Variants in PREPL observed in about 807,000 individuals in gnomAD.
The protein encoded by PREPL is prolyl endopeptidase like, also known as prolyl endopeptidase-like.
Under a neutral mutation model 70.6 loss-of-function variants are expected in PREPL, and 77 were observed. The ratio of observed to expected loss-of-function variants is 1.09; its 90% CI spans 0.91 to 1.32. The LOEUF (loss-of-function observed/expected upper bound fraction) is 1.32. Among genes scored for constraint, PREPL ranks in the 40% most tolerant of loss-of-function variants. The probability of loss-of-function intolerance (pLI) is 0.00; values close to 1 mark genes in which losing one functional copy is unlikely to be tolerated. For synonymous variants in PREPL, 315 were observed against 264.8 expected (o/e 1.19, Z -1.84); for missense variants, 1,002 against 778.2 (o/e 1.29, Z -3.42).
intron 1 of PREPL, among the ~76,000 whole-genome samples, chr2:44,351,514 TAAA>T (rs56070602): frequency 6.9e-6 from 1 of 144,288 alleles, no homozygotes. Context: ...CTCGCCCTAT[TAAA>T]AAAAAAAAAA....
In PREPL at chr2:44,339,296, T is replaced by A. The variant is rs150028917; in HGVS notation, c.553A>T (p.Thr185Ser). 1 of 1,614,080 alleles carries A rather than the reference T, an allele frequency of 6.2e-7. No individual in the cohort carries two copies. Among genetic ancestry groups the A allele is most frequent in the East Asian group, 2.2e-5 (1 of 44,872 alleles). Reference sequence around the variant, plus strand: ...CCATCTATCAACCACACTTCAGAAGTAGTCTTGTTCATAATATTTATGGTG... The same window carrying A: ...CCATCTATCAACCACACTTCAGAAGAAGTCTTGTTCATAATATTTATGGTG... ...FLTINIMNKT[T>S]SEVWLIDGLS... Residue 185 changes from threonine (T) to serine (S), a missense_variant, in exon 6 of 14, where the codon ACT (threonine) becomes TCT (serine). Thr to Ser is a moderately conservative substitution (Grantham distance 58, BLOSUM62 1). Coordinates refer to ENST00000409411, the MANE Select transcript of PREPL (RefSeq NM_001171613.2).
rs61004197 is a variant in PREPL, at chr2:44,342,561, AAAT to A, written c.350-12_350-10del. On this transcript the variant is annotated splice_polypyrimidine_tract_variant and intron_variant, in intron 4 of 13. Coordinates refer to ENST00000409411, the MANE Select transcript of PREPL (RefSeq NM_001171613.2). ...CTCGTCCTTTACCCATTCTGAAAGAAAATAATGAGATAATTATACATAATCACC... is the reference window on the plus strand; with the variant it reads ...CTCGTCCTTTACCCATTCTGAAAGAAAATGAGATAATTATACATAATCACC... 0.66 allele frequency: 1,024,491 copies of A among 1,553,316 alleles called. 344,003 individuals carry two copies. Among genetic ancestry groups the A allele is most frequent in the Middle Eastern group, 0.69 (3,926 of 5,688 alleles).
intron 10 of PREPL, among the ~76,000 whole-genome samples, chr2:44,325,087 T>C (rs1234742048): frequency 6.6e-6 from 1 of 152,190 alleles, no homozygotes; most frequent in Non-Finnish European, 1.5e-5. Flanking sequence ...TTTTTGCATT[T>C]GAAAAACCTC....
intron 1 of PREPL, among the ~76,000 whole-genome samples, chr2:44,347,567 T>C (rs991520226): frequency 1.1e-4 from 17 of 152,246 alleles, no homozygotes; most frequent in Middle Eastern, 3.2e-3. Flanking sequence ...TAATATCATA[T>C]AAATCATTAC....
At position 44,321,423 on chromosome 2, in the gene PREPL, A is replaced by G. The variant is rs537620020; in HGVS notation, c.1850T>C (p.Leu617Pro). The change falls in exon 14 of 14, where the codon CTG (leucine) becomes CCG (proline). Residue 617 changes from leucine to proline, a missense_variant. Transcript: ENST00000409411. ...HKKITAQIKF[L>P]YEELGLDSTS... ...GCTGTCAAGTCCAAGTTCCTCGTAC[A>G]GGAATTTAATTTGGGCTGTAATCTA... is the stretch of plus-strand genomic sequence containing the variant. 6.9e-5 allele frequency: 112 copies of G among 1,613,062 alleles called. 1 individual carries two copies. The South Asian group carries it at 1.2e-3, about 17-fold the overall frequency.
rs1367475597 is a variant in PREPL at position 44,320,557 on chromosome 2, A to T, written c.*799T>A. On this transcript the variant is annotated 3_prime_UTR_variant, in exon 14 of 14. Coordinates refer to ENST00000409411, the MANE Select transcript of PREPL (RefSeq NM_001171613.2). The stretch of plus-strand genomic sequence containing the variant: ...AACACGAAGAATCTCCTTCATCGCC[A>T]AACAGCTTTCAGAGATAGATGCTTT... 6.2e-7 allele frequency: 1 copy of T among 1,613,962 alleles called. No individual in the cohort carries two copies. The highest frequency in any genetic ancestry group is 1.1e-5 in the South Asian group (1 of 91,088).
intron 12 of PREPL, among the ~76,000 whole-genome samples, chr2:44,322,251 G>A (rs1673045166): frequency 6.6e-6 from 1 of 152,090 alleles, no homozygotes; most frequent in Non-Finnish European, 1.5e-5. Flanking sequence ...TGAATACAGG[G>A]AGACTGATAT....
intron 1 of PREPL, among the ~76,000 whole-genome samples, chr2:44,352,067 G>C (rs1676499148): frequency 6.6e-6 from 1 of 151,930 alleles, no homozygotes; most frequent in South Asian, 2.1e-4. Flanking sequence ...TTAGAACTTG[G>C]GCCCTATGCC....
Position 44,339,328 on chromosome 2 carries a change from C to A in PREPL, c.521G>T (p.Arg174Leu), listed in dbSNP as rs145964404. 1.2e-4 allele frequency: 191 copies of A among 1,613,682 alleles called. No individual in the cohort carries two copies. The highest frequency in any genetic ancestry group is 1.5e-4 in the Non-Finnish European group (173 of 1,179,942). ...GTTCATAATATTTATGGTGAGGAAA[C>A]GACTGTCTTTTGTAAGATAAAGGAA... ...FVFLYLTKDS[R>L]FLTINIMNKT... Residue 174 changes from arginine (R) to leucine (L), a missense_variant, in exon 6 of 14, where the codon CGT (arginine) becomes CTT (leucine). Physicochemically the swap from Arg to Leu is moderately radical, Grantham distance 102. Transcript: ENST00000409411.
intron 13 of PREPL, 30 bp downstream of exon 13, chr2:44,321,797 C>G: frequency 6.2e-7 from 1 of 1,613,808 alleles, no homozygotes; most frequent in Non-Finnish European, 8.5e-7. Flanking sequence ...GTTCGGGAAT[C>G]TGTCCACTGA....
At chr2:44,361,028 TA>T (rs1178279683) in intron 1 of PREPL, among the ~76,000 whole-genome samples, 2 of 151,402 alleles carry the variant, frequency 1.3e-5, no homozygotes, top group Non-Finnish European at 2.9e-5. Context: ...CCGACACTAG[TA>T]AAAAAAGGGG....
chr2:44,358,011 T>C (rs1677232771), intron 1 of PREPL, among the ~76,000 whole-genome samples: 1 of 151,930 alleles, frequency 6.6e-6, no homozygotes, highest in Admixed American at 6.6e-5. Flanking sequence ...GGCTAACATA[T>C]AAAATGTTAA....
At chr2:44,357,050 C>T (rs1053524446) in intron 1 of PREPL, among the ~76,000 whole-genome samples, 8 of 152,224 alleles carry the variant, frequency 5.3e-5, no homozygotes, top group Admixed American at 1.3e-4. Context: ...GGACAATCTG[C>T]TCGCCTTGGC....
At position 44,318,882 on chromosome 2, in the gene PREPL, C is replaced by CT. The variant is rs779661945; in HGVS notation, c.*2473dup. 6.6e-6 allele frequency: 1 copy of CT among 152,134 alleles called. No individual in the cohort carries two copies. The highest frequency in any genetic ancestry group is 1.9e-4 in the East Asian group (1 of 5,190). The allele number at this position is 152,134 out of a possible 1,614,324, so 9.4% of individuals were successfully genotyped here. ...TCCACCAAAAATCATGACTACGCAT[C>CT]TAACAGCTTCAAAATATAGAAAATA... On this transcript the variant is annotated 3_prime_UTR_variant, in exon 14 of 14. Coordinates refer to ENST00000409411, the MANE Select transcript of PREPL (RefSeq NM_001171613.2).
At position 44,336,203 on chromosome 2, in the gene PREPL, T is replaced by C. The variant is rs1248322153; in HGVS notation, c.888+2148A>G. Among the ~76,000 whole-genome samples the C allele has an allele frequency of 4.6e-5, 7 of 152,184 alleles. No individual in the cohort carries two copies. In the East Asian group the frequency reaches 1.2e-3, roughly 25 times the overall value. ...GACTCAGCAATCCCATTATTGGATATATAACCAAAGGAATACAAATCGCTC... is the reference window on the plus strand; with the variant it reads ...GACTCAGCAATCCCATTATTGGATACATAACCAAAGGAATACAAATCGCTC... On this transcript the variant is annotated intron_variant, in intron 7 of 13. Transcript: ENST00000409411.
chr2:44,322,667 T>G, intron 12 of PREPL, 64 bp downstream of exon 12: 1 of 1,549,318 alleles, frequency 6.5e-7, no homozygotes, highest in Admixed American at 2.0e-5. Context: ...TATATTCCTC[T>G]GAGCAGTGTG....
At position 44,320,241 on chromosome 2, in the gene PREPL, G is replaced by T. The variant is rs1418838313; in HGVS notation, c.*1115C>A. 8.7e-6 allele frequency: 14 copies of T among 1,614,036 alleles called. No homozygotes were observed. Among genetic ancestry groups the T allele is most frequent in the Non-Finnish European group, 1.2e-5 (14 of 1,179,952 alleles). On this transcript the variant is annotated 3_prime_UTR_variant, in exon 14 of 14. Coordinates refer to ENST00000409411, the MANE Select transcript of PREPL (RefSeq NM_001171613.2). ...CAGATCGGCTTTGAAGTTATATCAA[G>T]ATTTAAGTCTACTTCATGCCAATGA... is the stretch of plus-strand genomic sequence containing the variant.
rs1672671524 is a variant in PREPL at position 44,318,833 on chromosome 2, A to G, written c.*2523T>C. On this transcript the variant is annotated 3_prime_UTR_variant, in exon 14 of 14. Transcript: ENST00000409411. ...GAAAAGCATTATATGAGACAAAGGC[A>G]ATTTTCAAAAATTGATAAAACATTC... 1 of 152,246 alleles carries G rather than the reference A, an allele frequency of 6.6e-6. No homozygotes were observed. The highest frequency in any genetic ancestry group is 1.5e-5 in the Non-Finnish European group (1 of 68,040). 9.4% of individuals were successfully genotyped at this position (152,246 alleles called of 1,614,324 possible).
At chr2:44,351,762 T>C (rs1271091696) in intron 1 of PREPL, among the ~76,000 whole-genome samples, 1 of 152,248 alleles carries the variant, frequency 6.6e-6, no homozygotes, top group Non-Finnish European at 1.5e-5. Flanking sequence ...CTTGGATTAC[T>C]GCAAAAGCCC....
Sources: allele counts gnomAD v4.1 joint callset (sites outside exome capture counted in the v4.1 genomes callset), GRCh38; gene constraint gnomAD v4.1.1; transcripts MANE v1.5; gene names NCBI Gene and HGNC (gene_info 2026-07-23, HGNC 2026-07-21).